The following AUTS2 variants were observed in gnomAD, a reference collection of about 807,000 sequenced individuals.
AUTS2 encodes autism susceptibility gene 2 protein.
In AUTS2, 17 loss-of-function variants were observed where a neutral mutation model predicts 112.4. The ratio of observed to expected loss-of-function variants is 0.15; its 90% CI spans 0.10 to 0.23. The LOEUF is 0.23. Ranked by LOEUF, AUTS2 falls within the 10% of genes least tolerant of loss-of-function variation. AUTS2 has a pLI of 1.00. For synonymous variants in AUTS2, 751 were observed against 702.7 expected (o/e 1.07, Z -1.09); for missense variants, 1,510 against 1,701.6 (o/e 0.89, Z 1.98).
chr7:70,687,851 C>G (rs908626558), intron 5 of AUTS2, among the ~76,000 whole-genome samples: 1 of 152,182 alleles, frequency 6.6e-6, no homozygotes, highest in African/African-American at 2.4e-5. Flanking sequence ...CTAAGGAAGA[C>G]ATCCCAATCC....
rs147625258 is a variant in AUTS2, at chr7:70,268,787, T to A, written c.660+134216T>A. The stretch of plus-strand genomic sequence containing the variant: ...ATTACTATATGGGACTAGTTGTTTT[T>A]TTAAATTGGCTACTTGAAAATGTGT... On this transcript the variant is annotated intron_variant, in intron 4 of 18. Coordinates refer to ENST00000342771, the MANE Select transcript of AUTS2 (RefSeq NM_015570.4). 5.7e-3 allele frequency among the ~76,000 whole-genome samples: 874 copies of A among 152,326 alleles called. 1 individual carries two copies. Among genetic ancestry groups the A allele is most frequent in the Non-Finnish European group, 9.9e-3 (672 of 68,032 alleles).
intron 5 of AUTS2, among the ~76,000 whole-genome samples, chr7:70,459,091 C>T (rs1796862003): frequency 6.6e-6 from 1 of 152,198 alleles, no homozygotes; most frequent in African/African-American, 2.4e-5. Context: ...GACTGAGTTT[C>T]ATTTAAACCT....
chr7:70,647,642 GT>G (rs1436309111), intron 5 of AUTS2, among the ~76,000 whole-genome samples: 3 of 152,194 alleles, frequency 2.0e-5, no homozygotes, highest in Non-Finnish European at 4.4e-5. Context: ...TGTGTGATGT[GT>G]TTTCTGGGAC....
In AUTS2 at chr7:70,165,837, A is replaced by G. The variant is rs908908743; in HGVS notation, c.660+31266A>G. 4.6e-5 allele frequency among the ~76,000 whole-genome samples: 7 copies of G among 152,296 alleles called. No individual in the cohort carries two copies. The East Asian group carries it at 1.4e-3, about 29-fold the overall frequency. On this transcript the variant is annotated intron_variant, in intron 4 of 18. Coordinates refer to ENST00000342771, the MANE Select transcript of AUTS2 (RefSeq NM_015570.4). ...AGTATGGGTTGACAATGAGCCTGGT[A>G]TGGTTTGACTCTGTGTCTCCACCCA... is the stretch of plus-strand genomic sequence containing the variant.
chr7:69,826,333 C>A (rs774195931), intron 1 of AUTS2, among the ~76,000 whole-genome samples: 1 of 152,172 alleles, frequency 6.6e-6, no homozygotes, highest in South Asian at 2.1e-4. Flanking sequence ...ATTTAAGATG[C>A]GGCAAGGTTA....
At position 70,190,267 on chromosome 7, in the gene AUTS2, C is replaced by T. The variant is rs575172055; in HGVS notation, c.660+55696C>T. 3.2e-4 allele frequency among the ~76,000 whole-genome samples: 48 copies of T among 152,232 alleles called. 1 individual carries two copies. Among genetic ancestry groups the T allele is most frequent in the South Asian group, 2.1e-3 (10 of 4,824 alleles). ...TTAAAACCTGTGCTAGGTAATGCCT[C>T]ATAGATTTTATTTTGCCAAGATAGA... On this transcript the variant is annotated intron_variant, in intron 4 of 18. Transcript: ENST00000342771.
At chr7:69,816,781 A>G (rs553881523) in intron 1 of AUTS2, among the ~76,000 whole-genome samples, 1 of 152,356 alleles carries the variant, frequency 6.6e-6, no homozygotes, top group Admixed American at 6.5e-5. Flanking sequence ...AGTAATTGAC[A>G]GAGCCAAGAT....
intron 2 of AUTS2, among the ~76,000 whole-genome samples, chr7:69,961,345 G>A (rs1041481509): frequency 1.3e-5 from 2 of 152,088 alleles, no homozygotes; most frequent in South Asian, 2.1e-4. Context: ...GTGCTTCCCT[G>A]TCTCTTGAAT....
chr7:69,832,387 G>A (rs542811936), intron 1 of AUTS2, among the ~76,000 whole-genome samples: 2 of 152,278 alleles, frequency 1.3e-5, no homozygotes, highest in South Asian at 2.1e-4. Context: ...CTAGAATGAC[G>A]TTGCAGTTGC....
chr7:70,502,357 G>A (rs561861934), intron 5 of AUTS2, among the ~76,000 whole-genome samples: 9 of 152,316 alleles, frequency 5.9e-5, no homozygotes, highest in Non-Finnish European at 1.0e-4. Context: ...GACAGCAAAT[G>A]GAAGATGTTA....
At chr7:69,785,321 G>A (rs746113179) in intron 1 of AUTS2, among the ~76,000 whole-genome samples, 1 of 152,224 alleles carries the variant, frequency 6.6e-6, no homozygotes, top group Non-Finnish European at 1.5e-5. Context: ...CACCATCACA[G>A]TTGCTTTCAG....
chr7:70,448,858 C>G (rs1401095874), intron 5 of AUTS2, among the ~76,000 whole-genome samples: 1 of 152,144 alleles, frequency 6.6e-6, no homozygotes, highest in African/African-American at 2.4e-5. Context: ...AGGGGCTTAT[C>G]CATTTTCTGT....
At chr7:69,736,991 C>T (rs535805155) in intron 1 of AUTS2, among the ~76,000 whole-genome samples, 11 of 152,184 alleles carry the variant, frequency 7.2e-5, no homozygotes, top group Non-Finnish European at 8.8e-5. Context: ...AGGGTTATTC[C>T]GGGAAAATCA....
At chr7:70,089,041 A>G (rs1454356690) in intron 2 of AUTS2, among the ~76,000 whole-genome samples, 3 of 152,120 alleles carry the variant, frequency 2.0e-5, no homozygotes, top group African/African-American at 7.2e-5. Flanking sequence ...TAAATATTCC[A>G]TGTGTGCTTG....
At chr7:70,112,440 A>AT (rs1805134508) in intron 2 of AUTS2, among the ~76,000 whole-genome samples, 1 of 151,964 alleles carries the variant, frequency 6.6e-6, no homozygotes, top group Non-Finnish European at 1.5e-5. Context: ...AAGTTACCCA[A>AT]TTTACTGTAT....
intron 5 of AUTS2, among the ~76,000 whole-genome samples, chr7:70,672,155 A>G (rs1165992622): frequency 1.3e-5 from 2 of 152,222 alleles, no homozygotes; most frequent in African/African-American, 4.8e-5. Flanking sequence ...GCCACACTCC[A>G]CCAAATGAGT....
chr7:70,760,246 C>T (rs1384980845), intron 6 of AUTS2, among the ~76,000 whole-genome samples: 2 of 152,200 alleles, frequency 1.3e-5, no homozygotes, highest in Non-Finnish European at 2.9e-5. Context: ...ACCTCGTGAT[C>T]CGCCCGCCTT....
chr7:70,095,294 G>T (rs1462572368), intron 2 of AUTS2, among the ~76,000 whole-genome samples: 2 of 152,162 alleles, frequency 1.3e-5, no homozygotes, highest in Non-Finnish European at 2.9e-5. Flanking sequence ...GCTCACGTGT[G>T]CGTGTGCAGT....
intron 5 of AUTS2, among the ~76,000 whole-genome samples, chr7:70,463,444 G>A (rs993775698): frequency 6.6e-6 from 1 of 152,182 alleles, no homozygotes; most frequent in Admixed American, 6.5e-5. Flanking sequence ...GTTGCAGCGT[G>A]CAAGAAGTGG....
Sources: gnomAD v4.1 joint callset for allele counts (sites outside exome capture counted in the v4.1 genomes callset) on GRCh38, gnomAD v4.1.1 for gene constraint, MANE v1.5 for transcripts, NCBI Gene and HGNC (gene_info 2026-07-23, HGNC 2026-07-21) for gene names.